Variants in RRP36 observed in about 807,000 individuals in gnomAD.
RRP36 encodes ribosomal RNA processing 36.
Under a neutral mutation model 39.8 loss-of-function variants are expected in RRP36, and 44 were observed. The ratio of observed to expected loss-of-function variants is 1.10; its 90% CI spans 0.87 to 1.42. The LOEUF is 1.42. Ranked by LOEUF, RRP36 falls within the 40% of genes most tolerant of loss-of-function variation. RRP36 has a pLI of 0.00. For missense variants in RRP36, 316 were observed against 322.4 expected (o/e 0.98, Z 0.15); for synonymous variants, 124 against 123.1 (o/e 1.01, Z -0.05).
chr6:43,029,268 C>A lies in RRP36; in HGVS notation c.*40C>A, dbSNP rs769262107. ...CTGCTCTGCCACTGCCCCAGGGAGA[C>A]ATGGATCTGTGAGGACAGATTTGGC... is the stretch of plus-strand genomic sequence containing the variant. On this transcript the variant is annotated 3_prime_UTR_variant, in exon 7 of 7. Coordinates refer to ENST00000244496, the MANE Select transcript of RRP36 (RefSeq NM_033112.4). 6.2e-7 allele frequency: 1 copy of A among 1,607,656 alleles called. No homozygotes were observed. Among genetic ancestry groups the A allele is most frequent in the South Asian group, 1.1e-5 (1 of 90,808 alleles).
chr6:43,025,077 A>G lies in RRP36; in HGVS notation c.223A>G (p.Lys75Glu), dbSNP rs774183025. ...YKQLVAGNSPKKQASRPPIQN... is the reference protein window; with the variant it reads ...YKQLVAGNSPEKQASRPPIQN... ...ACAATTGGTAGCTGGAAATAGTCCT[A>G]AGAAACAAGCTTCTAGACCACCTAT... The change falls in exon 2 of 7, where the codon AAG becomes GAG. Residue 75 changes from lysine (K) to glutamate (E), a missense_variant. Lys to Glu is a moderately conservative substitution (Grantham distance 56). Transcript: ENST00000244496. The G allele has an allele frequency of 8.1e-6, 13 of 1,614,190 alleles. No homozygotes were observed. The highest frequency in any genetic ancestry group is 8.5e-7 in the Non-Finnish European group (1 of 1,180,040).
At chr6:43,023,763 C>CT (rs1195878632) in intron 1 of RRP36, among the ~76,000 whole-genome samples, 1 of 151,722 alleles carries the variant, frequency 6.6e-6, no homozygotes, top group East Asian at 1.9e-4. Flanking sequence ...GAATTGTAGA[C>CT]TAGAGAACTG....
At chr6:43,028,014 A>AGTACT (rs1362248315) in intron 6 of RRP36, among the ~76,000 whole-genome samples, 2 of 152,198 alleles carry the variant, frequency 1.3e-5, no homozygotes, top group African/African-American at 4.8e-5. Flanking sequence ...TGAATTGAGT[A>AGTACT]GTACTGAGAT....
Position 43,029,339 on chromosome 6 carries a change from A to T in RRP36, c.*111A>T. ...GGGCAAGGATCACAGCTGCCCTTGA[A>T]TCTCATTGCCTCAGAGAAGACTAGA... On this transcript the variant is annotated 3_prime_UTR_variant, in exon 7 of 7. Coordinates refer to ENST00000244496, the MANE Select transcript of RRP36 (RefSeq NM_033112.4). 7.8e-7 allele frequency: 1 copy of T among 1,277,322 alleles called. No homozygotes were observed. The highest frequency in any genetic ancestry group is 1.1e-6 in the Non-Finnish European group (1 of 908,706). The allele number at this position is 1,277,322 out of a possible 1,614,324, so 79.1% of individuals were successfully genotyped here.
intron 6 of RRP36, 38 bp from the exon 7 acceptor site, chr6:43,029,054 T>C: frequency 6.2e-7 from 1 of 1,611,834 alleles, no homozygotes; most frequent in South Asian, 1.1e-5. Context: ...AGGGGCTTCC[T>C]TCTTTGTTCA....
chr6:43,029,346 T>C lies in RRP36; in HGVS notation c.*118T>C. ...GATCACAGCTGCCCTTGAATCTCATTGCCTCAGAGAAGACTAGAGGGCTCT... is the reference window on the plus strand; with the variant it reads ...GATCACAGCTGCCCTTGAATCTCATCGCCTCAGAGAAGACTAGAGGGCTCT... On this transcript the variant is annotated 3_prime_UTR_variant, in exon 7 of 7. Coordinates refer to ENST00000244496, the MANE Select transcript of RRP36 (RefSeq NM_033112.4). The C allele has an allele frequency of 1.7e-6, 2 of 1,209,466 alleles. No homozygotes were observed. Among genetic ancestry groups the C allele is most frequent in the South Asian group, 1.4e-5 (1 of 70,930 alleles). 74.9% of individuals were successfully genotyped at this position (1,209,466 alleles called of 1,614,324 possible).
chr6:43,026,537 G>C (rs1416513287), intron 4 of RRP36, among the ~76,000 whole-genome samples: 1 of 151,538 alleles, frequency 6.6e-6, no homozygotes, highest in Admixed American at 6.6e-5. Flanking sequence ...GCCAAGTGTG[G>C]TGTTGCATGC....
chr6:43,027,417 C>G lies in RRP36; in HGVS notation c.583C>G (p.Leu195Val), dbSNP rs747071318. 10 of 1,614,218 alleles carry G rather than the reference C, an allele frequency of 6.2e-6. No homozygotes were observed. In the African/African-American group the frequency reaches 1.3e-4, roughly 22 times the overall value. ...RKQQQELHLA[L>V]KQERRAQAQQ... ...GCAACAGCAGGAGCTGCACCTGGCC[C>G]TGAAGCAAGAACGTCGGGCTCAGGC... Residue 195 changes from leucine (L) to valine (V), a missense_variant, in exon 6 of 7, where the codon CTG becomes GTG. By Grantham distance (32) the Leu-to-Val change is conservative. Coordinates refer to ENST00000244496, the MANE Select transcript of RRP36 (RefSeq NM_033112.4).
rs745339738 is a variant in RRP36 at position 43,025,339 on chromosome 6, A to G, written c.345+10A>G. 2 of 1,612,482 alleles carry G rather than the reference A, an allele frequency of 1.2e-6. No individual in the cohort carries two copies. Among genetic ancestry groups the G allele is most frequent in the South Asian group, 2.2e-5 (2 of 91,002 alleles). ...TCCCATTAGTAAAAAGGTAAGGAAG[A>G]AGGCCAGGCACTGTGGCTCACGCCT... is the stretch of plus-strand genomic sequence containing the variant. On this transcript the variant is annotated intron_variant, in intron 3 of 6. Coordinates refer to ENST00000244496, the MANE Select transcript of RRP36 (RefSeq NM_033112.4).
At chr6:43,028,348 CAAAA>C (rs926543478) in intron 6 of RRP36, among the ~76,000 whole-genome samples, 49 of 146,640 alleles carry the variant, frequency 3.3e-4, no homozygotes, top group African/African-American at 1.2e-3. Flanking sequence ...AACAAACAAA[CAAAA>C]AAAAGTCACC....
chr6:43,027,099 T>C lies in RRP36; in HGVS notation c.451-79T>C, dbSNP rs774483994. Reference sequence around the variant, plus strand: ...GTGTGTGTGTGTATGTGTGTGAACTTCTTAGGATAATGCTTTACATAAAAT... The same window carrying C: ...GTGTGTGTGTGTATGTGTGTGAACTCCTTAGGATAATGCTTTACATAAAAT... On this transcript the variant is annotated intron_variant, in intron 4 of 6. Transcript: ENST00000244496. 15 of 1,312,698 alleles carry C rather than the reference T, an allele frequency of 1.1e-5. No homozygotes were observed. In the African/African-American group the frequency reaches 1.9e-4, roughly 17 times the overall value. The allele number at this position is 1,312,698 out of a possible 1,614,324, so 81.3% of individuals were successfully genotyped here. A position where few individuals can be genotyped will look rare whatever the true frequency, so the allele number is the denominator to read the frequency against.
chr6:43,028,110 G>A (rs1317275053), intron 6 of RRP36, among the ~76,000 whole-genome samples: 3 of 152,044 alleles, frequency 2.0e-5, no homozygotes, highest in Non-Finnish European at 4.4e-5. Flanking sequence ...GGGGGGTCAC[G>A]AGGTCAGGAG....
intron 4 of RRP36, among the ~76,000 whole-genome samples, chr6:43,026,707 A>AT (rs1762817889): frequency 1.3e-5 from 2 of 148,456 alleles, no homozygotes; most frequent in South Asian, 4.3e-4. Context: ...TATCAAGTTA[A>AT]TATATGTGAA....
Position 43,022,587 on chromosome 6 carries a change from G to GTTTATTTA in RRP36, c.130+820_130+827dup, listed in dbSNP as rs199910113. ...TCACCACGCCTGCACGGATGGGTTTGTTTATTTATTTATTTATTTATTTAA... is the reference window on the plus strand; with the variant it reads ...TCACCACGCCTGCACGGATGGGTTTGTTTATTTATTTATTTATTTATTTATTTATTTAA... On this transcript the variant is annotated intron_variant, in intron 1 of 6. Coordinates refer to ENST00000244496, the MANE Select transcript of RRP36 (RefSeq NM_033112.4). 3.9e-5 allele frequency among the ~76,000 whole-genome samples: 3 copies of GTTTATTTA among 77,276 alleles called. No individual in the cohort carries two copies. The African/African-American group carries it at 4.5e-4, about 12-fold the overall frequency. The allele number at this position is 77,276 out of a possible 152,430, so 50.7% of individuals were successfully genotyped here.
Position 43,021,689 on chromosome 6 carries a change from C to T in RRP36, c.35C>T (p.Ala12Val). ...GCTAACTACCGCGCCGGGGCCGGGG[C>T]CGGGGCCGGGGCCCGACGTCCCCGC... The part of the protein sequence containing the change: ...PGANYRAGAG[A>V]GAGARRPRGA... Residue 12 changes from alanine to valine, a missense_variant, in exon 1 of 7, where the codon GCC becomes GTC. Physicochemically the swap from Ala to Val is moderately conservative, Grantham distance 64. Coordinates refer to ENST00000244496, the MANE Select transcript of RRP36 (RefSeq NM_033112.4). 8.1e-7 allele frequency: 1 copy of T among 1,238,934 alleles called. No homozygotes were observed. The highest frequency in any genetic ancestry group is 1.0e-6 in the Non-Finnish European group (1 of 990,540). 76.7% of individuals were successfully genotyped at this position (1,238,934 alleles called of 1,614,324 possible).
At position 43,027,380 on chromosome 6, in the gene RRP36, G is replaced by A; in HGVS notation, c.546G>A (p.Gln182=). 6.2e-7 allele frequency: 1 copy of A among 1,614,224 alleles called. No individual in the cohort carries two copies. Among genetic ancestry groups the A allele is most frequent in the Non-Finnish European group, 8.5e-7 (1 of 1,180,050 alleles). The change falls in exon 6 of 7, where the codon CAG becomes CAA. Residue 182 remains glutamine (Q), a synonymous_variant. Coordinates refer to ENST00000244496, the MANE Select transcript of RRP36 (RefSeq NM_033112.4). ...CTCAGGAGCAGCAAGAAATGGCACA[G>A]CAGGAACGAAAGCAACAGCAGGAGC... The part of the protein sequence containing the change: ...LQRMEQQEMA[Q]QERKQQQELH...
chr6:43,029,458 G>T lies in RRP36; in HGVS notation c.*230G>T, dbSNP rs772025291. On this transcript the variant is annotated 3_prime_UTR_variant, in exon 7 of 7. Transcript: ENST00000244496. ...CTTGAATCTGGTTCATTGCGTCCTCGTGTTCTTCTCTCATCCTTGCCTTAA... is the reference window on the plus strand; with the variant it reads ...CTTGAATCTGGTTCATTGCGTCCTCTTGTTCTTCTCTCATCCTTGCCTTAA... 1.1e-4 allele frequency: 50 copies of T among 444,470 alleles called. No homozygotes were observed. The highest frequency in any genetic ancestry group is 7.3e-4 in the African/African-American group (37 of 50,770). The allele number at this position is 444,470 out of a possible 1,614,324, so 27.5% of individuals were successfully genotyped here. A position where few individuals can be genotyped will look rare whatever the true frequency, so the allele number is the denominator to read the frequency against.
intron 1 of RRP36, among the ~76,000 whole-genome samples, chr6:43,022,417 A>AT (rs1561861671): frequency 6.6e-6 from 1 of 151,006 alleles, no homozygotes; most frequent in East Asian, 2.0e-4. Context: ...AATTTTTTAT[A>AT]TTTTTTATTT....
chr6:43,028,094 A>C (rs1239761459), intron 6 of RRP36, among the ~76,000 whole-genome samples: 1 of 151,326 alleles, frequency 6.6e-6, no homozygotes. Flanking sequence ...ATGGGAGGCC[A>C]GTGTGGGGGG....
Sources: allele counts gnomAD v4.1 joint callset (sites outside exome capture counted in the v4.1 genomes callset), GRCh38; gene constraint gnomAD v4.1.1; transcripts MANE v1.5; gene names NCBI Gene and HGNC (gene_info 2026-07-23, HGNC 2026-07-21).